The following MORN1 variants were observed in gnomAD, a reference collection of about 807,000 sequenced individuals.
MORN1 encodes MORN repeat-containing protein 1.
MORN1 carries 67 observed loss-of-function variants against 61.9 expected under a neutral mutation model. The ratio of observed to expected loss-of-function variants is 1.08; its 90% CI spans 0.89 to 1.33. The LOEUF (loss-of-function observed/expected upper bound fraction) is 1.33, where lower values mean the gene tolerates loss of function less well. MORN1 is among the 40% of genes most tolerant of loss of function. The pLI, the probability that MORN1 is intolerant of heterozygous loss-of-function variation, is 0.00. For synonymous variants in MORN1, 301 were observed against 292.0 expected (o/e 1.03, Z -0.31); for missense variants, 752 against 691.2 (o/e 1.09, Z -0.99).
At chr1:2,332,694 C>T (rs1457784836) in intron 12 of MORN1, 8 of 456,434 alleles carry the variant, frequency 1.8e-5, no homozygotes, top group Non-Finnish European at 2.6e-5. Flanking sequence ...TGCAGAATCT[C>T]GTCTGTGCCT....
rs550535197 is a variant in MORN1 at position 2,331,827 on chromosome 1, C to T, written c.1250+4642G>A. On this transcript the variant is annotated intron_variant, in intron 12 of 13. Coordinates refer to ENST00000378531, the MANE Select transcript of MORN1 (RefSeq NM_024848.3). ...CGCGGCTGCGCCTCTCCCGCCGCTG[C>T]GCCTCTCCCTCGTGCGGCTCTCCCG... Among the ~76,000 whole-genome samples, 39 of 144,810 alleles carry T rather than the reference C, an allele frequency of 2.7e-4. No homozygotes were observed. The East Asian group carries it at 6.4e-3, about 24-fold the overall frequency.
intron 13 of MORN1, chr1:2,323,636 C>T (rs1194048902): frequency 2.0e-6 from 2 of 985,148 alleles, no homozygotes; most frequent in Non-Finnish European, 2.4e-6. Flanking sequence ...TCGCTGCACC[C>T]CTCCTTGCTG....
In MORN1 at chr1:2,385,182, GC is replaced by G. The variant is rs1642465061; in HGVS notation, c.450-118del. 2.8e-6 allele frequency: 3 copies of G among 1,062,684 alleles called. No homozygotes were observed. In the African/African-American group the frequency reaches 4.8e-5, roughly 17 times the overall value. 65.8% of individuals were successfully genotyped at this position (1,062,684 alleles called of 1,614,324 possible). ...CACTGCGGGACCGAGGCAAAAATAG[GC>G]CCGAGCAGATGGCCCCAAGAGCTCC... On this transcript the variant is annotated intron_variant, in intron 5 of 13. Transcript: ENST00000378531.
intron 13 of MORN1, among the ~76,000 whole-genome samples, 166 bp from the exon 14 acceptor site, chr1:2,321,745 C>T (rs934625035): frequency 6.6e-6 from 1 of 152,176 alleles, no homozygotes; most frequent in African/African-American, 2.4e-5. Context: ...CAGGACTGGC[C>T]ACCGGACCGG....
At chr1:2,329,752 G>A (rs1341381720) in intron 12 of MORN1, among the ~76,000 whole-genome samples, 1 of 152,224 alleles carries the variant, frequency 6.6e-6, no homozygotes, top group East Asian at 1.9e-4. Flanking sequence ...GGCCCCTTTG[G>A]GTCTGTCGAG....
chr1:2,354,311 TC>T (rs1641713746), intron 10 of MORN1, among the ~76,000 whole-genome samples: 1 of 152,140 alleles, frequency 6.6e-6, no homozygotes, highest in Admixed American at 6.5e-5. Flanking sequence ...CAGCCTGTAA[TC>T]CCAGCACGTT....
rs1376333256 is a variant in MORN1, at chr1:2,372,002, A to C, written c.745+479T>G. The C allele has an allele frequency of 6.0e-6, 1 of 166,714 alleles. No homozygotes were observed. Among genetic ancestry groups the C allele is most frequent in the Non-Finnish European group, 1.3e-5 (1 of 75,486 alleles). 10.3% of individuals were successfully genotyped at this position (166,714 alleles called of 1,614,324 possible). On this transcript the variant is annotated intron_variant, in intron 8 of 13. Transcript: ENST00000378531. This position sits in a 1 kb window ranked among gnomAD's most constrained non-coding sequence, Gnocchi z 5.4. ...ACCCATGAGAAATGAAAACACATTC[A>C]CACAAAAACTTGTATACACATGTCC...
chr1:2,388,424 AC>A (rs1642557394), intron 2 of MORN1, 87 bp from the exon 3 acceptor site: 2 of 1,040,902 alleles, frequency 1.9e-6, no homozygotes, highest in African/African-American at 3.1e-5. Flanking sequence ...GTTTCTCAGA[AC>A]CAAGAGCTTG....
chr1:2,322,525 G>A, intron 13 of MORN1: 1 of 985,264 alleles, frequency 1.0e-6, no homozygotes, highest in Non-Finnish European at 1.2e-6. Context: ...GGGCCGGGAG[G>A]AATGTGCTTG....
intron 10 of MORN1, among the ~76,000 whole-genome samples, chr1:2,348,659 GCACGCACA>G (rs1557876173): frequency 1.6e-5 from 2 of 125,958 alleles, no homozygotes; most frequent in East Asian, 4.4e-4. Context: ...ACGCACACAC[GCACGCACA>G]CGCACACCTG....
At chr1:2,345,724 C>T (rs1418802614) in intron 10 of MORN1, among the ~76,000 whole-genome samples, 1 of 152,204 alleles carries the variant, frequency 6.6e-6, no homozygotes, top group African/African-American at 2.4e-5. Context: ...GCTCTGACCC[C>T]AGGTGCCTGG....
intron 8 of MORN1, among the ~76,000 whole-genome samples, chr1:2,358,951 C>T (rs1641835391): frequency 6.6e-6 from 1 of 152,170 alleles, no homozygotes; most frequent in Non-Finnish European, 1.5e-5. Flanking sequence ...CCACACTCAC[C>T]CCAATACCCC....
intron 7 of MORN1, among the ~76,000 whole-genome samples, chr1:2,373,737 A>C (rs1642174643): frequency 6.6e-6 from 1 of 152,148 alleles, no homozygotes; most frequent in South Asian, 2.1e-4. Flanking sequence ...TGCCTTCCCG[A>C]AGATCTCAGC....
chr1:2,348,091 T>C (rs1401130255), intron 10 of MORN1, among the ~76,000 whole-genome samples: 2 of 152,126 alleles, frequency 1.3e-5, no homozygotes, highest in Non-Finnish European at 2.9e-5. Context: ...GGACCACACA[T>C]TGCAGCGAGC....
In MORN1 at chr1:2,371,183, C is replaced by T. The variant is rs529654143; in HGVS notation, c.745+1298G>A. 14 of 152,072 alleles carry T rather than the reference C, an allele frequency of 9.2e-5. No homozygotes were observed. The East Asian group carries it at 2.0e-3, about 21-fold the overall frequency. The allele number at this position is 152,072 out of a possible 1,614,324, so 9.4% of individuals were successfully genotyped here. A position where few individuals can be genotyped will look rare whatever the true frequency, so the allele number is the denominator to read the frequency against. ...GAGATCGTGCCACCGCACTCCAGCC[C>T]GGGTGACACAGCGAGACTCTGTCTC... On this transcript the variant is annotated intron_variant, in intron 8 of 13. Coordinates refer to ENST00000378531, the MANE Select transcript of MORN1 (RefSeq NM_024848.3).
At chr1:2,387,973 T>C (rs981845237) in intron 3 of MORN1, 2 of 480,866 alleles carry the variant, frequency 4.2e-6, no homozygotes, top group Non-Finnish European at 7.4e-6. Context: ...ACAATGTGGC[T>C]GAAATAGCTT....
At chr1:2,344,527 G>A (rs990959063) in intron 10 of MORN1, among the ~76,000 whole-genome samples, 2 of 152,210 alleles carry the variant, frequency 1.3e-5, no homozygotes, top group Admixed American at 1.3e-4. Flanking sequence ...GGCCAGGAGC[G>A]GGGACCGCAC....
chr1:2,374,878 T>C (rs1642200615), intron 6 of MORN1: 2 of 287,500 alleles, frequency 7.0e-6, no homozygotes, highest in African/African-American at 2.2e-5. Flanking sequence ...AAAATCCTTT[T>C]AATACAAAGA....
At chr1:2,390,162 G>A (rs139506480) in intron 1 of MORN1, among the ~76,000 whole-genome samples, 166 bp from the exon 2 acceptor site, 1 of 152,156 alleles carries the variant, frequency 6.6e-6, no homozygotes, top group Non-Finnish European at 1.5e-5. Flanking sequence ...CTCTCCTGTC[G>A]ACTGTTGGGC....
Sources: allele counts gnomAD v4.1 joint callset (sites outside exome capture counted in the v4.1 genomes callset), GRCh38; gene constraint gnomAD v4.1.1; non-coding constraint Gnocchi (gnomAD v3.1); transcripts MANE v1.5; gene names NCBI Gene and HGNC (gene_info 2026-07-23, HGNC 2026-07-21).